Variants in SNRNP70 observed in about 807,000 individuals in gnomAD.
The protein encoded by SNRNP70 is U1 small nuclear ribonucleoprotein 70 kDa.
Under a neutral mutation model 50.5 loss-of-function variants are expected in SNRNP70, and 8 were observed. The ratio of observed to expected loss-of-function variants is 0.16; its 90% CI spans 0.09 to 0.29. The LOEUF (loss-of-function observed/expected upper bound fraction) is 0.29, where lower values mean the gene tolerates loss of function less well. SNRNP70 is among the 10% of genes least tolerant of loss of function. The probability of loss-of-function intolerance (pLI) is 1.00; values close to 1 mark genes in which losing one functional copy is unlikely to be tolerated. For synonymous variants in SNRNP70, 320 were observed against 252.9 expected (o/e 1.27, Z -2.52); for missense variants, 529 against 663.5 (o/e 0.80, Z 2.23).
chr19:49,092,628 C>A (rs1347635081), intron 4 of SNRNP70, among the ~76,000 whole-genome samples: 1 of 151,834 alleles, frequency 6.6e-6, no homozygotes, highest in Admixed American at 6.6e-5. Flanking sequence ...AGGCTGGCCT[C>A]GAACTCCTGA....
At chr19:49,098,786 AG>A (rs2040544903) in intron 6 of SNRNP70, 82 bp downstream of exon 6, 2 of 1,110,152 alleles carry the variant, frequency 1.8e-6, no homozygotes, top group South Asian at 2.5e-5. Flanking sequence ...GAGAGGTCCC[AG>A]CCCTGAGCAT....
rs2040378054 is a variant in SNRNP70, at chr19:49,086,264, G to A, written c.-10-141G>A. The A allele has an allele frequency of 7.4e-6, 7 of 943,224 alleles. No individual in the cohort carries two copies. The South Asian group carries it at 8.8e-5, about 12-fold the overall frequency. The allele number at this position is 943,224 out of a possible 1,614,324, so 58.4% of individuals were successfully genotyped here. A position where few individuals can be genotyped will look rare whatever the true frequency, so the allele number is the denominator to read the frequency against. On this transcript the variant is annotated intron_variant, in intron 1 of 9. Coordinates refer to ENST00000598441, the MANE Select transcript of SNRNP70 (RefSeq NM_003089.6). ...GACGTACCCTTTTCTCCGCAACACAGGACTGTTCTCTGCCCTTACAGAGCC... is the reference window on the plus strand; with the variant it reads ...GACGTACCCTTTTCTCCGCAACACAAGACTGTTCTCTGCCCTTACAGAGCC...
rs1245093229 is a variant in SNRNP70 at position 49,098,518 on chromosome 19, A to T, written c.330+27A>T. On this transcript the variant is annotated intron_variant, in intron 5 of 9. Coordinates refer to ENST00000598441, the MANE Select transcript of SNRNP70 (RefSeq NM_003089.6). Reference sequence around the variant, plus strand: ...TAAGTCCCCAGCTCCTAGCTCCTGGAACCCCACGCTGCTGAGAGCCTGGGT... The same window carrying T: ...TAAGTCCCCAGCTCCTAGCTCCTGGTACCCCACGCTGCTGAGAGCCTGGGT... 3.1e-6 allele frequency: 5 copies of T among 1,609,364 alleles called. No homozygotes were observed. In the Admixed American group the frequency reaches 8.3e-5, roughly 27 times the overall value.
intron 8 of SNRNP70, among the ~76,000 whole-genome samples, chr19:49,106,386 A>G (rs528748562): frequency 3.3e-5 from 5 of 152,134 alleles, no homozygotes; most frequent in Non-Finnish European, 5.9e-5. Flanking sequence ...AGTTTTTTCT[A>G]TGTAGTAAGT....
intron 6 of SNRNP70, among the ~76,000 whole-genome samples, chr19:49,099,724 G>A (rs1296458926): frequency 1.3e-5 from 2 of 148,452 alleles, no homozygotes; most frequent in East Asian, 4.0e-4. Flanking sequence ...GGGCAACAGA[G>A]TGGGACTCCA....
intron 8 of SNRNP70, among the ~76,000 whole-genome samples, chr19:49,105,906 C>G (rs916344710): frequency 6.6e-6 from 1 of 152,212 alleles, no homozygotes; most frequent in Non-Finnish European, 1.5e-5. Context: ...GGATGAGTCT[C>G]TTGTTTCGGG....
intron 2 of SNRNP70, among the ~76,000 whole-genome samples, chr19:49,089,562 C>T (rs2040422693): frequency 6.6e-6 from 1 of 151,792 alleles, no homozygotes. Context: ...TGTAGAAGTT[C>T]CTGAACACTT....
In SNRNP70 at chr19:49,107,999, G is replaced by A. The variant is rs1008099734; in HGVS notation, c.870G>A (p.Arg290=). The A allele has an allele frequency of 6.5e-7, 1 of 1,547,876 alleles. No homozygotes were observed. ...AGGACAAGGACCGGGACCGGAAGCG[G>A]CGAAGCAGCCGGAGTCGGGAGCGGG... is the stretch of plus-strand genomic sequence containing the variant. ...RSKDKDRDRK[R]RSSRSRERAR... Residue 290 remains arginine (R), a synonymous_variant, in exon 10 of 10, where the codon CGG becomes CGA. Coordinates refer to ENST00000598441, the MANE Select transcript of SNRNP70 (RefSeq NM_003089.6). The surrounding 1 kb of genome is among the most constrained non-coding windows in gnomAD (Gnocchi z 6.0).
rs1020147792 is a variant in SNRNP70 at position 49,101,555 on chromosome 19, C to T, written c.475+84C>T. ...GCCCCTCCCAGTCTGTCCCCTCCCC[C>T]ACCCTGCCACACCTGACATTAGCGA... On this transcript the variant is annotated intron_variant, in intron 7 of 9. Transcript: ENST00000598441. The T allele has an allele frequency of 4.7e-5, 39 of 825,968 alleles. No individual in the cohort carries two copies. In the African/African-American group the frequency reaches 5.5e-4, roughly 12 times the overall value. 51.2% of individuals were successfully genotyped at this position (825,968 alleles called of 1,614,324 possible). A position where few individuals can be genotyped will look rare whatever the true frequency, so the allele number is the denominator to read the frequency against.
chr19:49,108,269 G>T lies in SNRNP70; in HGVS notation c.1140G>T (p.Arg380=). ...RDRDRDREHK[R]GERGSERGRD... is the part of the protein sequence containing the mutation. Reference sequence around the variant, plus strand: ...GTGACCGTGACCGCGAGCACAAACGGGGGGAGCGGGGCAGTGAGCGGGGCA... The same window carrying T: ...GTGACCGTGACCGCGAGCACAAACGTGGGGAGCGGGGCAGTGAGCGGGGCA... The change falls in exon 10 of 10, where the codon CGG becomes CGT. Residue 380 remains arginine, a synonymous_variant. Transcript: ENST00000598441. 3 of 1,556,712 alleles carry T rather than the reference G, an allele frequency of 1.9e-6. No homozygotes were observed. Among genetic ancestry groups the T allele is most frequent in the Non-Finnish European group, 2.6e-6 (3 of 1,151,146 alleles).
chr19:49,104,179 G>A lies in SNRNP70; in HGVS notation c.476-455G>A. 1 of 158,534 alleles carries A rather than the reference G, an allele frequency of 6.3e-6. No individual in the cohort carries two copies. Among genetic ancestry groups the A allele is most frequent in the Non-Finnish European group, 1.4e-5 (1 of 72,490 alleles). The allele number at this position is 158,534 out of a possible 1,614,324, so 9.8% of individuals were successfully genotyped here. ...ACAGAAAAAACCGGTGTGGTCTGGG[G>A]TGCGGAGCGTCCCAGCTGGGCCTCC... On this transcript the variant is annotated intron_variant, in intron 7 of 9. Coordinates refer to ENST00000598441, the MANE Select transcript of SNRNP70 (RefSeq NM_003089.6). This position sits in a 1 kb window ranked among gnomAD's most constrained non-coding sequence, Gnocchi z 5.4.
chr19:49,108,566 G>A lies in SNRNP70; in HGVS notation c.*123G>A. 1.6e-6 allele frequency: 2 copies of A among 1,256,668 alleles called. No homozygotes were observed. Among genetic ancestry groups the A allele is most frequent in the Middle Eastern group, 2.7e-4 (1 of 3,668 alleles). 77.8% of individuals were successfully genotyped at this position (1,256,668 alleles called of 1,614,324 possible). A position where few individuals can be genotyped will look rare whatever the true frequency, so the allele number is the denominator to read the frequency against. On this transcript the variant is annotated 3_prime_UTR_variant, in exon 10 of 10. Coordinates refer to ENST00000598441, the MANE Select transcript of SNRNP70 (RefSeq NM_003089.6). ...CAAGGGTAGGTGTCTCATTTGTTCT[G>A]GCCCCTTGGATTTAAAAATAAAATT... is the stretch of plus-strand genomic sequence containing the variant.
chr19:49,092,877 G>A (rs1257193753), intron 4 of SNRNP70, among the ~76,000 whole-genome samples: 1 of 144,210 alleles, frequency 6.9e-6, no homozygotes, highest in African/African-American at 2.5e-5. Context: ...CTGGATTACA[G>A]GTGTCAGCCA....
At chr19:49,090,835 G>T (rs1476491336) in intron 4 of SNRNP70, among the ~76,000 whole-genome samples, 1 of 152,110 alleles carries the variant, frequency 6.6e-6, no homozygotes, top group Admixed American at 6.6e-5. Flanking sequence ...TGGGATAGTG[G>T]TCTGTCCTGG....
chr19:49,105,620 G>C (rs1381895860), intron 8 of SNRNP70, among the ~76,000 whole-genome samples: 1 of 152,054 alleles, frequency 6.6e-6, no homozygotes, highest in African/African-American at 2.4e-5. Flanking sequence ...CCATCTACTC[G>C]GGAGGCTGAG....
intron 4 of SNRNP70, among the ~76,000 whole-genome samples, chr19:49,093,260 T>C (rs2040470551): frequency 6.6e-6 from 1 of 151,884 alleles, no homozygotes; most frequent in South Asian, 2.1e-4. Context: ...TGGCTAATTT[T>C]GTATTTTTAG....
intron 4 of SNRNP70, among the ~76,000 whole-genome samples, 197 bp from the exon 5 acceptor site, chr19:49,098,230 A>T (rs1388280047): frequency 6.6e-6 from 1 of 152,164 alleles, no homozygotes; most frequent in Non-Finnish European, 1.5e-5. Flanking sequence ...AGCCACTCTG[A>T]TAAAGCCCAC....
chr19:49,101,315 T>C (rs2122370260), intron 6 of SNRNP70, 75 bp from the exon 7 acceptor site: 1 of 1,065,598 alleles, frequency 9.4e-7, no homozygotes, highest in East Asian at 2.4e-5. Context: ...GGGCCTGGTG[T>C]GCAGGCTGTT....
At chr19:49,096,418 C>T (rs2040514286) in intron 4 of SNRNP70, among the ~76,000 whole-genome samples, 1 of 152,086 alleles carries the variant, frequency 6.6e-6, no homozygotes, top group African/African-American at 2.4e-5. Flanking sequence ...TCAGACGTTT[C>T]CATTTGTCCC....
Sources: gnomAD v4.1 joint callset for allele counts (sites outside exome capture counted in the v4.1 genomes callset) on GRCh38, gnomAD v4.1.1 for gene constraint, Gnocchi (gnomAD v3.1) non-coding constraint, MANE v1.5 for transcripts, NCBI Gene and HGNC (gene_info 2026-07-23, HGNC 2026-07-21) for gene names.